TPMT: variants seen among roughly 807,000 people sequenced by gnomAD.
The protein encoded by TPMT is S-adenosyl-L-methionine:thiopurine S-methyltransferase.
In TPMT, 18 loss-of-function variants were observed where a neutral mutation model predicts 34.2. That is an observed-to-expected ratio of 0.53 (90% CI 0.36 to 0.78). The LOEUF (loss-of-function observed/expected upper bound fraction) is 0.78, where lower values mean the gene tolerates loss of function less well. TPMT is among the 30% of genes least tolerant of loss of function. The pLI, the probability that TPMT is intolerant of heterozygous loss-of-function variation, is 0.00. For synonymous variants in TPMT, 69 were observed against 92.4 expected, an observed-to-expected ratio of 0.75 and a Z score of 1.45; for missense variants, 265 against 288.1, an observed-to-expected ratio of 0.92 and a Z score of 0.58.
chr6:18,137,554 C>G (rs1258513391), intron 6 of TPMT, among the ~76,000 whole-genome samples: 1 of 152,150 alleles, frequency 6.6e-6, no homozygotes, highest in East Asian at 1.9e-4. Context: ...CAGATGTGGT[C>G]ACATTTTACT....
rs1784195860 is a variant in TPMT, at chr6:18,143,788, A to G, written c.234-60T>C. On this transcript the variant is annotated intron_variant, in intron 3 of 8. Coordinates refer to ENST00000309983, the MANE Select transcript of TPMT (RefSeq NM_000367.5). This position sits in a 1 kb window ranked among gnomAD's most constrained non-coding sequence, Gnocchi z 6.1. ...TTTTCAAATGACTAAATAGAGGGTT[A>G]TATTAGAGTAAGCATATATTTTCTT... 6 of 1,591,220 alleles carry G rather than the reference A, an allele frequency of 3.8e-6. No individual in the cohort carries two copies. The South Asian group carries it at 5.6e-5, about 15-fold the overall frequency.
Position 18,147,300 on chromosome 6 carries a change from A to G in TPMT, c.233+523T>C, listed in dbSNP as rs142850783. On this transcript the variant is annotated intron_variant, in intron 3 of 8. Coordinates refer to ENST00000309983, the MANE Select transcript of TPMT (RefSeq NM_000367.5). ...GCTTGTTAAAGTGAATTCTCTTTGT[A>G]GAGAATTACTCACAAGAAATACTTT... 3.2e-3 allele frequency among the ~76,000 whole-genome samples: 492 copies of G among 152,316 alleles called. 2 individuals carry two copies. The highest frequency in any genetic ancestry group is 0.011 in the African/African-American group (450 of 41,548).
intron 1 of TPMT, among the ~76,000 whole-genome samples, chr6:18,151,182 CTCTTT>C (rs1460762999): frequency 7.9e-6 from 1 of 126,406 alleles, no homozygotes; most frequent in Non-Finnish European, 1.6e-5. Flanking sequence ...AACTTCTTCT[CTCTTT>C]TTTTTTTTTT....
chr6:18,134,070 G>A (rs981849285), intron 6 of TPMT, among the ~76,000 whole-genome samples, 181 bp from the exon 7 acceptor site: 4 of 152,216 alleles, frequency 2.6e-5, no homozygotes, highest in Non-Finnish European at 4.4e-5. Flanking sequence ...AGCAAATTAT[G>A]GCCCCTGCCT....
At position 18,129,975 on chromosome 6, in the gene TPMT, C is replaced by T. The variant is rs1267869060; in HGVS notation, c.*693G>A. On this transcript the variant is annotated 3_prime_UTR_variant, in exon 9 of 9. Transcript: ENST00000309983. ...CTACTGAAATGTTATAGTTCTTCAA[C>T]AATTCTAAATTTCATAAAGAATGTC... 1 of 152,348 alleles carries T rather than the reference C, an allele frequency of 6.6e-6. No individual in the cohort carries two copies. The highest frequency in any genetic ancestry group is 1.5e-5 in the Non-Finnish European group (1 of 68,210). 9.4% of individuals were successfully genotyped at this position (152,348 alleles called of 1,614,324 possible). A position where few individuals can be genotyped will look rare whatever the true frequency, so the allele number is the denominator to read the frequency against.
chr6:18,152,484 A>AATGCAC (rs762785168), intron 1 of TPMT, among the ~76,000 whole-genome samples: 1 of 152,200 alleles, frequency 6.6e-6, no homozygotes, highest in Non-Finnish European at 1.5e-5. Flanking sequence ...TTGCATGGGA[A>AATGCAC]ATGCACACTA....
intron 1 of TPMT, among the ~76,000 whole-genome samples, chr6:18,151,180 C>T (rs967680924): frequency 1.5e-5 from 2 of 129,132 alleles, no homozygotes; most frequent in Non-Finnish European, 1.6e-5. Context: ...TTAACTTCTT[C>T]TCTCTTTTTT....
At chr6:18,141,374 C>G (rs558139376) in intron 4 of TPMT, among the ~76,000 whole-genome samples, 39 of 147,760 alleles carry the variant, frequency 2.6e-4, no homozygotes, top group Non-Finnish European at 5.3e-4. Context: ...GAGTCTTACT[C>G]TCTTGCCCAG....
rs762287334 is a variant in TPMT, at chr6:18,147,807, G to A, written c.233+16C>T. On this transcript the variant is annotated intron_variant, in intron 3 of 8. Transcript: ENST00000309983. ...ATTAAGGCAAGATAATTCTGTTAAT[G>A]TTTATCTGCTCATACCATTTCATCT... 6.9e-6 allele frequency: 11 copies of A among 1,605,462 alleles called. No homozygotes were observed. The highest frequency in any genetic ancestry group is 1.1e-5 in the South Asian group (1 of 90,840).
rs1045293916 is a variant in TPMT at position 18,153,915 on chromosome 6, TAATC to T, written c.-45+1114_-45+1117del. Among the ~76,000 whole-genome samples, 2 of 152,310 alleles carry T rather than the reference TAATC, an allele frequency of 1.3e-5. No individual in the cohort carries two copies. Among genetic ancestry groups the T allele is most frequent in the Admixed American group, 6.5e-5 (1 of 15,292 alleles). On this transcript the variant is annotated intron_variant, in intron 1 of 8. Coordinates refer to ENST00000309983, the MANE Select transcript of TPMT (RefSeq NM_000367.5). This position sits in a 1 kb window ranked among gnomAD's most constrained non-coding sequence, Gnocchi z 4.2. ...GTCTAACAAAATCATGCACATAACT[TAATC>T]ATGTCTTAGTTGTTTGTTTTTGAGA...
intron 4 of TPMT, among the ~76,000 whole-genome samples, chr6:18,141,879 C>T (rs1448037125): frequency 2.0e-5 from 3 of 152,192 alleles, no homozygotes; most frequent in African/African-American, 7.2e-5. Context: ...GACATAGATG[C>T]CGGCAGTTTG....
intron 2 of TPMT, 31 bp from the exon 3 acceptor site, chr6:18,147,946 C>A: frequency 6.5e-7 from 1 of 1,537,158 alleles, no homozygotes; most frequent in East Asian, 2.3e-5. Context: ...GGTTTTAGGA[C>A]AATTGTATGG....
At chr6:18,152,950 C>T (rs1784382597) in intron 1 of TPMT, among the ~76,000 whole-genome samples, 1 of 152,132 alleles carries the variant, frequency 6.6e-6, no homozygotes, top group African/African-American at 2.4e-5. Flanking sequence ...TTTTTCTGTC[C>T]TCTGCTTCAC....
chr6:18,147,964 A>T, intron 2 of TPMT, 49 bp from the exon 3 acceptor site: 1 of 1,389,130 alleles, frequency 7.2e-7, no homozygotes, highest in Non-Finnish European at 1.0e-6. Context: ...TGGTAGGTGA[A>T]CACTTTTCAT....
In TPMT at chr6:18,133,345, TA is replaced by T. The variant is rs2150708860; in HGVS notation, c.580+458del. 1.3e-5 allele frequency among the ~76,000 whole-genome samples: 2 copies of T among 152,110 alleles called. 1 individual carries two copies. Among genetic ancestry groups the T allele is most frequent in the Admixed American group, 1.3e-4 (2 of 15,276 alleles). On this transcript the variant is annotated intron_variant, in intron 7 of 8. Transcript: ENST00000309983. ...AGATAGATTATAAAACTTCAGAAAT[TA>T]AAAAAGGACAATAATTTAGAGTTTT...
rs1404779798 is a variant in TPMT, at chr6:18,150,604, A to AT, written c.-44-1434dup. 6.6e-6 allele frequency among the ~76,000 whole-genome samples: 1 copy of AT among 151,580 alleles called. No homozygotes were observed. Among genetic ancestry groups the AT allele is most frequent in the Admixed American group, 6.6e-5 (1 of 15,188 alleles). On this transcript the variant is annotated intron_variant, in intron 1 of 8. Transcript: ENST00000309983. The surrounding 1 kb of genome is among the most constrained non-coding windows in gnomAD (Gnocchi z 5.3). ...ATGTCTTCCTCTTTTTTTTGTTGTT[A>AT]TTTTTTAGTGACCACGCTTATATTG...
chr6:18,151,688 G>C (rs1784357517), intron 1 of TPMT, among the ~76,000 whole-genome samples: 2 of 151,614 alleles, frequency 1.3e-5, no homozygotes, highest in Non-Finnish European at 2.9e-5. Context: ...AAACTTCTGG[G>C]CTCAAGTGAT....
At position 18,139,129 on chromosome 6, in the gene TPMT, C is replaced by T. The variant is rs970885400; in HGVS notation, c.420-92G>A. 16 of 1,124,934 alleles carry T rather than the reference C, an allele frequency of 1.4e-5. No individual in the cohort carries two copies. The African/African-American group carries it at 2.4e-4, about 17-fold the overall frequency. 69.7% of individuals were successfully genotyped at this position (1,124,934 alleles called of 1,614,324 possible). A position where few individuals can be genotyped will look rare whatever the true frequency, so the allele number is the denominator to read the frequency against. On this transcript the variant is annotated intron_variant, in intron 5 of 8. Coordinates refer to ENST00000309983, the MANE Select transcript of TPMT (RefSeq NM_000367.5). The surrounding 1 kb of genome is among the most constrained non-coding windows in gnomAD (Gnocchi z 4.2). ...CCCATGGTGCATGCTGGTACTTCAA[C>T]AATCGTCAAGGTATTAGGATCTCAC...
In TPMT at chr6:18,136,198, C is replaced by T. The variant is rs1784039063; in HGVS notation, c.495-2309G>A. On this transcript the variant is annotated intron_variant, in intron 6 of 8. Transcript: ENST00000309983. The surrounding 1 kb of genome is among the most constrained non-coding windows in gnomAD (Gnocchi z 4.7). The stretch of plus-strand genomic sequence containing the variant: ...ATGATCATCTTCAGGGAGTGGGAAA[C>T]ACCTACAAATTTAGACATTAGCAGA... Among the ~76,000 whole-genome samples, 1 of 151,892 alleles carries T rather than the reference C, an allele frequency of 6.6e-6. No individual in the cohort carries two copies. Among genetic ancestry groups the T allele is most frequent in the South Asian group, 2.1e-4 (1 of 4,804 alleles).
Sources: allele counts gnomAD v4.1 joint callset (sites outside exome capture counted in the v4.1 genomes callset), GRCh38; gene constraint gnomAD v4.1.1; non-coding constraint Gnocchi (gnomAD v3.1); transcripts MANE v1.5; gene names NCBI Gene and HGNC (gene_info 2026-07-23, HGNC 2026-07-21).